Variants in PLD5 observed in about 807,000 individuals in gnomAD.
The protein encoded by PLD5 is inactive phospholipase D5.
In PLD5, 36 loss-of-function variants were observed where a neutral mutation model predicts 61.1. That is an observed-to-expected ratio of 0.59 (90% CI 0.45 to 0.78). The LOEUF is 0.78. Among genes scored for constraint, PLD5 ranks in the 30% least tolerant of loss-of-function variants. The pLI, the probability that PLD5 is intolerant of heterozygous loss-of-function variation, is 0.00. For synonymous variants in PLD5, 243 were observed against 242.8 expected (o/e 1.00, Z -0.01); for missense variants, 515 against 644.4 (o/e 0.80, Z 2.17).
At chr1:242,339,900 G>GA (rs1470169195) in intron 2 of PLD5, among the ~76,000 whole-genome samples, 4 of 152,128 alleles carry the variant, frequency 2.6e-5, no homozygotes, top group Admixed American at 6.6e-5. Context: ...TTTACAACTG[G>GA]AAAAGAGAGG....
At chr1:242,441,271 A>G (rs2102907065) in intron 1 of PLD5, among the ~76,000 whole-genome samples, 1 of 152,268 alleles carries the variant, frequency 6.6e-6, no homozygotes, top group African/African-American at 2.4e-5. Flanking sequence ...ATAATTGATG[A>G]AAGATTTAAC....
chr1:242,254,717 C>T (rs191083230), intron 4 of PLD5, among the ~76,000 whole-genome samples: 39 of 152,238 alleles, frequency 2.6e-4, no homozygotes, highest in Admixed American at 7.8e-4. Context: ...GAGAAAGTGC[C>T]GGCCTATGGT....
intron 5 of PLD5, chr1:242,178,148 TATA>T (rs1447649719): frequency 2.0e-5 from 3 of 152,252 alleles, no homozygotes; most frequent in Non-Finnish European, 4.4e-5. Flanking sequence ...CATCTAGAAC[TATA>T]ATATCTTCAC....
At chr1:242,236,536 AAAT>A (rs924366940) in intron 4 of PLD5, among the ~76,000 whole-genome samples, 1 of 150,358 alleles carries the variant, frequency 6.7e-6, no homozygotes, top group East Asian at 1.9e-4. Context: ...CTTTTGAAAA[AAAT>A]AATAAAAACA....
chr1:242,106,949 G>A (rs1438910456), intron 8 of PLD5, among the ~76,000 whole-genome samples: 1 of 152,166 alleles, frequency 6.6e-6, no homozygotes, highest in Non-Finnish European at 1.5e-5. Flanking sequence ...GACTGGAGTA[G>A]AGTCAAACAT....
chr1:242,279,939 A>G (rs1320407614), intron 3 of PLD5, among the ~76,000 whole-genome samples: 2 of 152,188 alleles, frequency 1.3e-5, no homozygotes, highest in Non-Finnish European at 2.9e-5. Flanking sequence ...AGACAGCTGA[A>G]TATTATTCTT....
At chr1:242,090,461 A>G (rs1194625642) in intron 9 of PLD5, among the ~76,000 whole-genome samples, 1 of 152,226 alleles carries the variant, frequency 6.6e-6, no homozygotes, top group African/African-American at 2.4e-5. Flanking sequence ...TCCTGTGAGT[A>G]ATTACTACCT....
intron 4 of PLD5, 98 bp downstream of exon 4, chr1:242,265,239 G>A (rs1287057288): frequency 1.0e-5 from 15 of 1,429,420 alleles, no homozygotes; most frequent in Non-Finnish European, 1.4e-5. Flanking sequence ...TAAGTGAAAT[G>A]TACTAACCAT....
At chr1:242,195,289 C>T (rs938526631) in intron 5 of PLD5, among the ~76,000 whole-genome samples, 1 of 152,186 alleles carries the variant, frequency 6.6e-6, no homozygotes, top group Non-Finnish European at 1.5e-5. Flanking sequence ...TGTCCTTTAC[C>T]ACCTCTGAGA....
Position 242,102,756 on chromosome 1 carries a change from G to A in PLD5, c.1240-1974C>T, listed in dbSNP as rs182546553. ...TGTGTTCTAGACATTAGGGCCATAA[G>A]CTTCTTGCCCATCTAGGCTTGTATT... On this transcript the variant is annotated intron_variant, in intron 8 of 9. Coordinates refer to ENST00000536534, the MANE Select transcript of PLD5 (RefSeq NM_001372062.1). Among the ~76,000 whole-genome samples, 447 of 152,268 alleles carry A rather than the reference G, an allele frequency of 2.9e-3. 4 individuals are homozygous for A. Among genetic ancestry groups the A allele is most frequent in the African/African-American group, 0.01 (431 of 41,532 alleles).
intron 1 of PLD5, among the ~76,000 whole-genome samples, chr1:242,437,686 CAAAAAA>C (rs11308782): frequency 6.7e-6 from 1 of 149,532 alleles, no homozygotes; most frequent in Non-Finnish European, 1.5e-5. Flanking sequence ...GTTTACGTCT[CAAAAAA>C]AAAAAATTTA....
At chr1:242,274,401 A>C (rs1015755000) in intron 3 of PLD5, among the ~76,000 whole-genome samples, 7 of 152,166 alleles carry the variant, frequency 4.6e-5, no homozygotes, top group African/African-American at 1.7e-4. Flanking sequence ...AACAAAAATA[A>C]TAAAAGTCCT....
At chr1:242,167,212 C>CTT (rs1666388213) in intron 5 of PLD5, among the ~76,000 whole-genome samples, 1 of 151,970 alleles carries the variant, frequency 6.6e-6, no homozygotes, top group African/African-American at 2.4e-5. Context: ...TAATAACTAA[C>CTT]TTATTAGTTT....
intron 6 of PLD5, among the ~76,000 whole-genome samples, chr1:242,123,717 G>A (rs1662564044): frequency 1.3e-5 from 2 of 152,212 alleles, no homozygotes; most frequent in Admixed American, 1.3e-4. Context: ...TAATGAATGG[G>A]CATTGAACAA....
intron 5 of PLD5, among the ~76,000 whole-genome samples, chr1:242,208,023 C>CACACACAT (rs1402808465): frequency 2.2e-5 from 3 of 137,674 alleles, no homozygotes; most frequent in South Asian, 2.2e-4. Context: ...CACACACACA[C>CACACACAT]ATACATATAT....
intron 5 of PLD5, among the ~76,000 whole-genome samples, chr1:242,164,808 A>G (rs566086746): frequency 5.3e-5 from 8 of 152,236 alleles, no homozygotes; most frequent in Admixed American, 3.9e-4. Context: ...TAGCACTTCT[A>G]TACTTGATTT....
intron 5 of PLD5, among the ~76,000 whole-genome samples, chr1:242,163,002 C>T (rs1332141478): frequency 6.6e-6 from 1 of 152,106 alleles, no homozygotes; most frequent in African/African-American, 2.4e-5. Flanking sequence ...CCAGTTCATA[C>T]TAATATCTAC....
At chr1:242,174,713 G>A (rs1289168801) in intron 5 of PLD5, among the ~76,000 whole-genome samples, 1 of 152,098 alleles carries the variant, frequency 6.6e-6, no homozygotes, top group Non-Finnish European at 1.5e-5. Flanking sequence ...GGAATACTAT[G>A]CAGCCATAAA....
intron 2 of PLD5, among the ~76,000 whole-genome samples, chr1:242,312,288 GAA>G (rs1453713431): frequency 6.6e-6 from 1 of 150,600 alleles, no homozygotes; most frequent in South Asian, 2.1e-4. Flanking sequence ...TTGGGCATTT[GAA>G]AAAAATAGCC....
Sources: gnomAD v4.1 joint callset for allele counts (sites outside exome capture counted in the v4.1 genomes callset) on GRCh38, gnomAD v4.1.1 for gene constraint, MANE v1.5 for transcripts, NCBI Gene and HGNC (gene_info 2026-07-23, HGNC 2026-07-21) for gene names.